Variants in ANKRD26 observed in about 807,000 individuals in gnomAD.
The protein encoded by ANKRD26 is ankyrin repeat domain-containing protein 26.
Under a neutral mutation model 208.7 loss-of-function variants are expected in ANKRD26, and 141 were observed. That is an observed-to-expected ratio of 0.68 (90% confidence interval 0.59 to 0.78). ANKRD26 has a LOEUF of 0.78. Among genes scored for constraint, ANKRD26 ranks in the 30% least tolerant of loss-of-function variants. The probability of loss-of-function intolerance (pLI) is 0.00; values close to 1 mark genes in which losing one functional copy is unlikely to be tolerated. For synonymous variants in ANKRD26, 636 were observed against 660.4 expected, an observed-to-expected ratio of 0.96 and a Z score of 0.57; for missense variants, 1,889 against 1,938.7, an observed-to-expected ratio of 0.97 and a Z score of 0.48.
At chr10:27,030,585 C>G in intron 25 of ANKRD26, 1 of 985,314 alleles carries the variant, frequency 1.0e-6, no homozygotes, top group Non-Finnish European at 1.2e-6. Context: ...TATGAATCTA[C>G]GGATCCCAGC....
chr10:27,093,935 G>T, intron 1 of ANKRD26, 136 bp from the exon 2 acceptor site: 1 of 750,572 alleles, frequency 1.3e-6, no homozygotes, highest in South Asian at 1.7e-5. Flanking sequence ...TCTTGGCTGT[G>T]TCCCCAACCA....
Position 27,037,287 on chromosome 10 carries a change from A to G in ANKRD26, c.2596T>C (p.Ser866Pro). ...QERNDAQRQL[S>P]REQNARMLQD... Reference sequence around the variant, plus strand: ...AACATTCTGGCATTCTGTTCTCGAGAAAGTTGCCTCTGAGCGTCATTTCGC... The same window carrying G: ...AACATTCTGGCATTCTGTTCTCGAGGAAGTTGCCTCTGAGCGTCATTTCGC... Residue 866 changes from serine (S) to proline (P), a missense_variant, in exon 23 of 34, where the codon TCT becomes CCT. Transcript: ENST00000376087. 1.2e-6 allele frequency: 2 copies of G among 1,613,922 alleles called. No individual in the cohort carries two copies. The highest frequency in any genetic ancestry group is 1.7e-6 in the Non-Finnish European group (2 of 1,179,862).
At chr10:27,029,246 T>C (rs750231011) in intron 26 of ANKRD26, 40 bp downstream of exon 26, 5 of 1,570,768 alleles carry the variant, frequency 3.2e-6, no homozygotes, top group Middle Eastern at 1.8e-4. Flanking sequence ...ATTTGCTCTA[T>C]AAATAATCAT....
chr10:26,956,420 T>C, the ANKRD26 span, among the ~76,000 whole-genome samples: 1 of 152,154 alleles, frequency 6.6e-6, no homozygotes, highest in African/African-American at 2.4e-5. Flanking sequence ...ATTAATAATA[T>C]ATTTTCAGAA....
At chr10:27,041,864 G>A (rs2054252541) in intron 20 of ANKRD26, among the ~76,000 whole-genome samples, 3 of 151,988 alleles carry the variant, frequency 2.0e-5, no homozygotes, top group African/African-American at 7.2e-5. Context: ...ATTCAGAAAG[G>A]ATATGGCCAG....
intron 6 of ANKRD26, among the ~76,000 whole-genome samples, 176 bp downstream of exon 6, chr10:27,082,627 A>G (rs1196747215): frequency 6.6e-6 from 1 of 152,182 alleles, no homozygotes; most frequent in African/African-American, 2.4e-5. Context: ...GGGCCAATTA[A>G]TCAACCTCTC....
intron 27 of ANKRD26, among the ~76,000 whole-genome samples, chr10:27,026,692 A>G (rs978750074): frequency 2.6e-5 from 4 of 152,342 alleles, no homozygotes; most frequent in African/African-American, 9.6e-5. Flanking sequence ...CTTGTTAAAC[A>G]TCAAGCAGAA....
intron 9 of ANKRD26, among the ~76,000 whole-genome samples, chr10:27,071,871 C>A (rs535736608): frequency 6.6e-6 from 1 of 152,156 alleles, no homozygotes; most frequent in Non-Finnish European, 1.5e-5. Context: ...CAAGAAAAAG[C>A]GGCATCCCCA....
intron 20 of ANKRD26, among the ~76,000 whole-genome samples, chr10:27,041,198 T>G (rs1554780357): frequency 8.3e-6 from 1 of 120,276 alleles, no homozygotes; most frequent in Non-Finnish European, 2.0e-5. Flanking sequence ...GAGAGTCTGG[T>G]AAACGCAAAG....
chr10:27,082,696 C>G, intron 6 of ANKRD26, 107 bp downstream of exon 6: 1 of 1,441,670 alleles, frequency 6.9e-7, no homozygotes, highest in Non-Finnish European at 9.2e-7. Flanking sequence ...GTTGGGACGA[C>G]TATATGGAGA....
intron 32 of ANKRD26, among the ~76,000 whole-genome samples, chr10:27,008,674 C>A (rs2052978961): frequency 6.6e-6 from 1 of 152,134 alleles, no homozygotes; most frequent in Admixed American, 6.6e-5. Context: ...TTGAAGAAAT[C>A]TTAACTGTCT....
intron 16 of ANKRD26, among the ~76,000 whole-genome samples, chr10:27,049,189 AAG>A (rs1564390041): frequency 6.6e-6 from 1 of 152,162 alleles, no homozygotes; most frequent in Non-Finnish European, 1.5e-5. Flanking sequence ...AATTTTTGTA[AAG>A]TCTGCTTCAT....
intron 30 of ANKRD26, 132 bp from the exon 31 acceptor site, chr10:27,014,843 G>A (rs1420488080): frequency 2.8e-6 from 2 of 709,456 alleles, no homozygotes; most frequent in East Asian, 5.4e-5. Context: ...GTGCCAGCAG[G>A]CATTGGTCAA....
At position 27,048,154 on chromosome 10, in the gene ANKRD26, T is replaced by C. The variant is rs938900911; in HGVS notation, c.1814+647A>G. Among the ~76,000 whole-genome samples, 16 of 152,286 alleles carry C rather than the reference T, an allele frequency of 1.1e-4. 1 individual carries two copies. Among genetic ancestry groups the C allele is most frequent in the Admixed American group, 1.0e-3 (16 of 15,296 alleles). On this transcript the variant is annotated intron_variant, in intron 17 of 33. Coordinates refer to ENST00000376087, the MANE Select transcript of ANKRD26 (RefSeq NM_014915.3). ...GTGTTAAGAGTTGAGCATGAGCCCC[T>C]AAAAATACCCAGTATACTGAAATGT...
chr10:27,089,069 T>C (rs1030627846), intron 4 of ANKRD26, among the ~76,000 whole-genome samples: 4 of 152,202 alleles, frequency 2.6e-5, no homozygotes, highest in African/African-American at 9.7e-5. Context: ...CTTTGAAGTC[T>C]ACCTATGGAT....
chr10:27,046,711 T>A (rs1329816369), intron 17 of ANKRD26, among the ~76,000 whole-genome samples, 188 bp from the exon 18 acceptor site: 1 of 152,096 alleles, frequency 6.6e-6, no homozygotes, highest in Non-Finnish European at 1.5e-5. Flanking sequence ...CTCAATTCAT[T>A]CACTAATTCA....
At chr10:27,006,215 CAT>C (rs898298197) in intron 33 of ANKRD26, among the ~76,000 whole-genome samples, 3 of 152,264 alleles carry the variant, frequency 2.0e-5, no homozygotes, top group Middle Eastern at 6.8e-3. Context: ...ACAAGGAAAA[CAT>C]ATGCCAGACG....
intron 16 of ANKRD26, chr10:27,051,833 T>C (rs148646473): frequency 2.5e-4 from 250 of 985,392 alleles, no homozygotes; most frequent in Non-Finnish European, 2.9e-4. Context: ...AGTTATCATG[T>C]AGTGACTCTT....
At chr10:27,084,329 T>C (rs1468814906) in intron 5 of ANKRD26, among the ~76,000 whole-genome samples, 4 of 151,774 alleles carry the variant, frequency 2.6e-5, no homozygotes, top group South Asian at 2.1e-4. Flanking sequence ...TAAACAATTA[T>C]AGAAATCAAT....
Sources: gnomAD v4.1 joint callset for allele counts (sites outside exome capture counted in the v4.1 genomes callset) on GRCh38, gnomAD v4.1.1 for gene constraint, MANE v1.5 for transcripts, NCBI Gene and HGNC (gene_info 2026-07-23, HGNC 2026-07-21) for gene names.